Variants in COPS2 observed in about 807,000 individuals in gnomAD.
COPS2 encodes the protein COP9 signalosome complex subunit 2.
Under a neutral mutation model 66.1 loss-of-function variants are expected in COPS2, and 10 were observed. The ratio of observed to expected loss-of-function variants is 0.15; its 90% CI spans 0.09 to 0.26. COPS2 has a LOEUF of 0.26. Among genes scored for constraint, COPS2 ranks in the 10% least tolerant of loss-of-function variants. The pLI, the probability that COPS2 is intolerant of heterozygous loss-of-function variation, is 1.00. For missense variants in COPS2, 215 were observed against 513.3 expected, an observed-to-expected ratio of 0.42 and a Z score of 5.62; for synonymous variants, 179 against 171.3, an observed-to-expected ratio of 1.04 and a Z score of -0.35.
chr15:49,154,865 A>G (rs951461739), intron 1 of COPS2, among the ~76,000 whole-genome samples: 9 of 152,216 alleles, frequency 5.9e-5, no homozygotes, highest in African/African-American at 2.2e-4. Context: ...CCCGTCCTCC[A>G]AAAACACCAC....
intron 4 of COPS2, chr15:49,139,248 T>A (rs1048097613): frequency 4.4e-5 from 11 of 250,212 alleles, no homozygotes; most frequent in Non-Finnish European, 7.6e-5. Context: ...GGACCTGTGG[T>A]AGCAACTGTA....
intron 6 of COPS2, among the ~76,000 whole-genome samples, chr15:49,135,477 A>G (rs191706856): frequency 1.3e-5 from 2 of 152,348 alleles, no homozygotes; most frequent in Admixed American, 1.3e-4. Flanking sequence ...AATGTAAGTG[A>G]CAATGACTAG....
At chr15:49,145,166 A>G (rs566955897) in intron 1 of COPS2, 88 bp from the exon 2 acceptor site, 9 of 636,820 alleles carry the variant, frequency 1.4e-5, no homozygotes, top group South Asian at 1.4e-4. Context: ...TTAAGACAGA[A>G]AAACCACATA....
Position 49,127,119 on chromosome 15 carries a change from A to T in COPS2, c.*831T>A, listed in dbSNP as rs2084173093. ...TCACTCTTTAAAAAAAAAGAATTTT[A>T]TTCCTTTAAAGCATCACTGTCATAA... On this transcript the variant is annotated 3_prime_UTR_variant, in exon 13 of 13. Coordinates refer to ENST00000388901, the MANE Select transcript of COPS2 (RefSeq NM_004236.4). 1 of 152,136 alleles carries T rather than the reference A, an allele frequency of 6.6e-6. No homozygotes were observed. The highest frequency in any genetic ancestry group is 2.4e-5 in the African/African-American group (1 of 41,438). 9.4% of individuals were successfully genotyped at this position (152,136 alleles called of 1,614,324 possible).
chr15:49,144,894 C>T, intron 2 of COPS2, 71 bp downstream of exon 2: 1 of 802,756 alleles, frequency 1.2e-6, no homozygotes, highest in Non-Finnish European at 2.0e-6. Flanking sequence ...ATAAAATCAC[C>T]TGGGACTTAT....
chr15:49,128,210 A>C, intron 12 of COPS2, 116 bp from the exon 13 acceptor site: 1 of 887,086 alleles, frequency 1.1e-6, no homozygotes, highest in Non-Finnish European at 1.7e-6. Flanking sequence ...AGCTGCCTAC[A>C]TTAAATGAGT....
At chr15:49,153,519 A>G (rs1398394991) in intron 1 of COPS2, among the ~76,000 whole-genome samples, 1 of 152,180 alleles carries the variant, frequency 6.6e-6, no homozygotes, top group Non-Finnish European at 1.5e-5. Context: ...GAACTACCAT[A>G]AGATCTTGCA....
chr15:49,135,119 T>C (rs1409708857), intron 6 of COPS2, among the ~76,000 whole-genome samples: 1 of 152,230 alleles, frequency 6.6e-6, no homozygotes, highest in Non-Finnish European at 1.5e-5. Context: ...GTTATGTGAA[T>C]GTGATCTCTC....
intron 2 of COPS2, 141 bp downstream of exon 2, chr15:49,144,820 CACTT>C (rs1229323001): frequency 3.3e-5 from 17 of 517,822 alleles, no homozygotes; most frequent in Middle Eastern, 5.1e-4. Flanking sequence ...CGTTTTGAAA[CACTT>C]GCTTGTGCTG....
chr15:49,150,933 T>C (rs1233221654), intron 1 of COPS2, among the ~76,000 whole-genome samples: 1 of 152,130 alleles, frequency 6.6e-6, no homozygotes, highest in African/African-American at 2.4e-5. Context: ...AAAACTGCTA[T>C]ATATTAAGAC....
At chr15:49,139,709 C>A in intron 3 of COPS2, 56 bp from the exon 4 acceptor site, 1 of 1,322,882 alleles carries the variant, frequency 7.6e-7, no homozygotes, top group South Asian at 1.3e-5. Flanking sequence ...AAAATATGTA[C>A]ACATGATTAA....
At chr15:49,153,319 GA>G (rs75762192) in intron 1 of COPS2, among the ~76,000 whole-genome samples, 9,372 of 144,678 alleles carry the variant, frequency 0.065, 357 homozygotes, top group East Asian at 0.15. Context: ...ACACATACAT[GA>G]AAAAAAAAAA....
chr15:49,150,918 T>A (rs115542430), intron 1 of COPS2, among the ~76,000 whole-genome samples: 3,732 of 152,024 alleles, frequency 0.025, 116 homozygotes, highest in South Asian at 0.076. Context: ...TTAAAAAAAA[T>A]AAATAAAACT....
intron 1 of COPS2, among the ~76,000 whole-genome samples, chr15:49,149,451 A>T (rs1210844844): frequency 6.6e-6 from 1 of 152,194 alleles, no homozygotes; most frequent in East Asian, 1.9e-4. Flanking sequence ...TCCATATGAC[A>T]TGCATCTCTC....
At chr15:49,152,056 T>A (rs1188879632) in intron 1 of COPS2, among the ~76,000 whole-genome samples, 1 of 151,770 alleles carries the variant, frequency 6.6e-6, no homozygotes, top group Non-Finnish European at 1.5e-5. Context: ...CTGCTCTTAG[T>A]TAACACTTTA....
At chr15:49,142,750 G>A (rs760669657) in intron 3 of COPS2, among the ~76,000 whole-genome samples, 8 of 152,072 alleles carry the variant, frequency 5.3e-5, no homozygotes, top group Non-Finnish European at 8.8e-5. Flanking sequence ...TAAAGAAACC[G>A]AGGAATGACA....
chr15:49,129,196 G>A (rs2084191027), intron 11 of COPS2, among the ~76,000 whole-genome samples: 1 of 152,016 alleles, frequency 6.6e-6, no homozygotes, highest in African/African-American at 2.4e-5. Flanking sequence ...TCAGGAGGCT[G>A]AGGTAGGAGG....
chr15:49,128,188 CA>C lies in COPS2; in HGVS notation c.1188-95del, dbSNP rs552792949. 3,112 of 1,173,766 alleles carry C rather than the reference CA, an allele frequency of 2.7e-3. 3 individuals are homozygous for C. Among genetic ancestry groups the C allele is most frequent in the South Asian group, 3.1e-3 (185 of 59,832 alleles). 72.7% of individuals were successfully genotyped at this position (1,173,766 alleles called of 1,614,324 possible). A position where few individuals can be genotyped will look rare whatever the true frequency, so the allele number is the denominator to read the frequency against. ...CATAAAATACAGTATCAACAAATGC[CA>C]AAAAAAAAGCAGCTGCCTACATTAA... On this transcript the variant is annotated intron_variant, in intron 12 of 12. Transcript: ENST00000388901.
intron 3 of COPS2, among the ~76,000 whole-genome samples, chr15:49,140,888 G>T (rs2084285594): frequency 6.6e-6 from 1 of 151,600 alleles, no homozygotes; most frequent in African/African-American, 2.4e-5. Flanking sequence ...AATACATTCT[G>T]CCCTGAGGCA....
Sources: allele counts gnomAD v4.1 joint callset (sites outside exome capture counted in the v4.1 genomes callset), GRCh38; gene constraint gnomAD v4.1.1; transcripts MANE v1.5; gene names NCBI Gene and HGNC (gene_info 2026-07-23, HGNC 2026-07-21).